The following DPY19L1 variants were observed in gnomAD, a reference collection of about 807,000 sequenced individuals.
The protein encoded by DPY19L1 is protein C-mannosyl-transferase DPY19L1.
DPY19L1 carries 35 observed loss-of-function variants against 96.9 expected under a neutral mutation model. The observed-to-expected ratio is 0.36, with a 90% CI of 0.28 to 0.48. The LOEUF is 0.48. DPY19L1 is among the 20% of genes least tolerant of loss of function. The pLI, the probability that DPY19L1 is intolerant of heterozygous loss-of-function variation, is 0.99. For missense variants in DPY19L1, 521 were observed against 777.9 expected (o/e 0.67, Z 3.93); for synonymous variants, 205 against 252.6 (o/e 0.81, Z 1.79).
intron 7 of DPY19L1, chr7:34,988,109 A>G (rs555319809): frequency 5.3e-5 from 8 of 152,260 alleles, no homozygotes; most frequent in Middle Eastern, 3.4e-3. Context: ...AAACTTTGTA[A>G]GGAATGATGT....
rs185496891 is a variant in DPY19L1, at chr7:34,963,134, G to A, written c.1092+3760C>T. On this transcript the variant is annotated intron_variant, in intron 10 of 21. Transcript: ENST00000638088. The stretch of plus-strand genomic sequence containing the variant: ...CGCTTGAACCCGGGAGGCGGAGGTT[G>A]CAGTGAGCCGAGATCGTGCCACTGC... Among the ~76,000 whole-genome samples, 234 of 145,608 alleles carry A rather than the reference G, an allele frequency of 1.6e-3. 2 individuals carry two copies. The highest frequency in any genetic ancestry group is 9.4e-3 in the South Asian group (42 of 4,468).
intron 6 of DPY19L1, among the ~76,000 whole-genome samples, chr7:35,001,896 C>T (rs1309328980): frequency 3.3e-5 from 5 of 151,916 alleles, no homozygotes; most frequent in African/African-American, 9.7e-5. Flanking sequence ...GAGGCTGAGG[C>T]GGGCGGATCA....
At chr7:34,935,652 C>T (rs1187461428) in intron 21 of DPY19L1, among the ~76,000 whole-genome samples, 1 of 152,150 alleles carries the variant, frequency 6.6e-6, no homozygotes, top group Admixed American at 6.5e-5. Context: ...TCCCCATCTG[C>T]TTCCCCCATT....
intron 6 of DPY19L1, among the ~76,000 whole-genome samples, chr7:35,007,588 G>GGT (rs71551083): frequency 0.16 from 24,158 of 150,378 alleles, 2,609 homozygotes; most frequent in African/African-American, 0.31. Context: ...ACACACGTGT[G>GGT]GTGTGTGTGT....
chr7:35,013,849 T>C, intron 3 of DPY19L1, 144 bp from the exon 4 acceptor site: 1 of 554,390 alleles, frequency 1.8e-6, no homozygotes, highest in Non-Finnish European at 2.9e-6. Context: ...TGATCACTGA[T>C]AAATCCTAAA....
intron 10 of DPY19L1, among the ~76,000 whole-genome samples, chr7:34,963,193 CAAAAAAAAAA>C (rs58387078): frequency 1.3e-5 from 1 of 78,804 alleles, no homozygotes; most frequent in Admixed American, 1.4e-4. Flanking sequence ...AGATCTGTCT[CAAAAAAAAAA>C]AAAAAAAAAA....
chr7:34,942,897 G>T (rs553114555), intron 16 of DPY19L1, among the ~76,000 whole-genome samples: 2 of 152,272 alleles, frequency 1.3e-5, no homozygotes, highest in East Asian at 1.9e-4. Context: ...AAAGGCACAC[G>T]GTGGTGTCCC....
intron 13 of DPY19L1, among the ~76,000 whole-genome samples, chr7:34,951,686 G>A (rs1784269830): frequency 6.6e-6 from 1 of 151,796 alleles, no homozygotes; most frequent in Non-Finnish European, 1.5e-5. Context: ...AATGAGGACA[G>A]GAATTGGTGA....
At chr7:35,002,434 G>GA (rs60145615) in intron 6 of DPY19L1, among the ~76,000 whole-genome samples, 7 of 151,098 alleles carry the variant, frequency 4.6e-5, no homozygotes, top group Non-Finnish European at 7.4e-5. Context: ...AAAATGGGGG[G>GA]AAAAAAAAGA....
chr7:34,957,058 T>C (rs745844261), intron 11 of DPY19L1, among the ~76,000 whole-genome samples: 3 of 152,178 alleles, frequency 2.0e-5, no homozygotes, highest in South Asian at 2.1e-4. Context: ...TAAGGCAGTC[T>C]TAAAATTTCA....
intron 13 of DPY19L1, among the ~76,000 whole-genome samples, chr7:34,950,144 T>C (rs541427143): frequency 5.6e-4 from 85 of 152,096 alleles, no homozygotes; most frequent in Non-Finnish European, 1.0e-3. Flanking sequence ...GCTTTTTCCC[T>C]TGGGTTTTCC....
chr7:34,975,049 C>CCCT (rs1784803746), intron 7 of DPY19L1, among the ~76,000 whole-genome samples: 1 of 152,014 alleles, frequency 6.6e-6, no homozygotes, highest in Admixed American at 6.6e-5. Context: ...TCCCTCCCAT[C>CCCT]GGGCCTCCAA....
At chr7:34,988,668 G>C (rs1158754451) in intron 7 of DPY19L1, among the ~76,000 whole-genome samples, 8 of 152,100 alleles carry the variant, frequency 5.3e-5, no homozygotes, top group Non-Finnish European at 8.8e-5. Context: ...AGCAGGCACT[G>C]AGTGTATAAA....
chr7:34,969,395 T>C, intron 9 of DPY19L1, 38 bp downstream of exon 9: 2 of 1,214,176 alleles, frequency 1.6e-6, no homozygotes, highest in Non-Finnish European at 2.2e-6. Context: ...TAGTCAAACA[T>C]GCTAAGCTTA....
At chr7:35,017,281 C>G (rs1785873897) in intron 3 of DPY19L1, among the ~76,000 whole-genome samples, 1 of 151,432 alleles carries the variant, frequency 6.6e-6, no homozygotes, top group African/African-American at 2.4e-5. Context: ...ATCATGAGGT[C>G]AGGAGATCGA....
At chr7:34,963,712 G>C (rs558775795) in intron 10 of DPY19L1, among the ~76,000 whole-genome samples, 1 of 149,212 alleles carries the variant, frequency 6.7e-6, no homozygotes, top group Non-Finnish European at 1.5e-5. Flanking sequence ...GTGTGTGTGC[G>C]TGTGTGTGTG....
intron 1 of DPY19L1, among the ~76,000 whole-genome samples, chr7:35,025,019 C>A (rs1360669891): frequency 1.3e-5 from 2 of 152,190 alleles, no homozygotes; most frequent in Admixed American, 6.5e-5. Flanking sequence ...TCTCAACAAT[C>A]CAAATTATTT....
At chr7:34,980,474 C>A (rs1784916364) in intron 7 of DPY19L1, among the ~76,000 whole-genome samples, 1 of 151,526 alleles carries the variant, frequency 6.6e-6, no homozygotes, top group Non-Finnish European at 1.5e-5. Flanking sequence ...GATCTGTGTA[C>A]ACAAAGATAA....
At chr7:34,950,711 G>C (rs1336945804) in intron 13 of DPY19L1, among the ~76,000 whole-genome samples, 1 of 152,148 alleles carries the variant, frequency 6.6e-6, no homozygotes, top group African/African-American at 2.4e-5. Flanking sequence ...ACTATGTCTT[G>C]TTGGGAGAAG....
Sources: gnomAD v4.1 joint callset for allele counts (sites outside exome capture counted in the v4.1 genomes callset) on GRCh38, gnomAD v4.1.1 for gene constraint, MANE v1.5 for transcripts, NCBI Gene and HGNC (gene_info 2026-07-23, HGNC 2026-07-21) for gene names.